RPTOR: variants seen among roughly 807,000 people sequenced by gnomAD.
The protein encoded by RPTOR is regulatory associated protein of MTOR complex 1.
RPTOR carries 21 observed loss-of-function variants against 169.9 expected under a neutral mutation model. The observed-to-expected ratio is 0.12, with a 90% CI of 0.09 to 0.18. RPTOR has a LOEUF of 0.18. Among genes scored for constraint, RPTOR ranks in the 10% least tolerant of loss-of-function variants. The probability of loss-of-function intolerance (pLI) is 1.00; values close to 1 mark genes in which losing one functional copy is unlikely to be tolerated. For synonymous variants in RPTOR, 732 were observed against 753.2 expected, an observed-to-expected ratio of 0.97 and a Z score of 0.46; for missense variants, 1,133 against 1,855.9, an observed-to-expected ratio of 0.61 and a Z score of 7.16.
chr17:80,623,605 G>A (rs1046345557), intron 1 of RPTOR, among the ~76,000 whole-genome samples: 1 of 151,658 alleles, frequency 6.6e-6, no homozygotes, highest in Non-Finnish European at 1.5e-5. Context: ...GTACCGTCTC[G>A]GCTCACTGCA....
intron 7 of RPTOR, among the ~76,000 whole-genome samples, chr17:80,800,630 G>A (rs1045093716): frequency 6.6e-6 from 1 of 152,180 alleles, no homozygotes; most frequent in Admixed American, 6.5e-5. Context: ...ATAAGCTGTT[G>A]CTGCTGCAGT....
At chr17:80,677,688 A>T (rs541232042) in intron 3 of RPTOR, among the ~76,000 whole-genome samples, 7 of 152,212 alleles carry the variant, frequency 4.6e-5, no homozygotes, top group Non-Finnish European at 1.0e-4. Context: ...CTATTCATGC[A>T]TCGAGTCTTG....
chr17:80,649,146 A>G (rs187579580), intron 3 of RPTOR, among the ~76,000 whole-genome samples: 150 of 152,318 alleles, frequency 9.8e-4, no homozygotes, highest in African/African-American at 3.3e-3. Flanking sequence ...TCAGATATGG[A>G]TAATCGGGGA....
At chr17:80,700,421 G>T (rs1385762882) in intron 3 of RPTOR, among the ~76,000 whole-genome samples, 1 of 147,100 alleles carries the variant, frequency 6.8e-6, no homozygotes, top group Non-Finnish European at 1.5e-5. Context: ...GGTGGTGATG[G>T]TGATGGTGGT....
chr17:80,883,832 G>T lies in RPTOR; in HGVS notation c.1702G>T (p.Asp568Tyr). The change falls in exon 16 of 34, where the codon GAC (aspartate) becomes TAC (tyrosine). Residue 568 changes from aspartate (D) to tyrosine (Y), a missense_variant. By Grantham distance (160) the Asp-to-Tyr change is radical. Around this residue, in one of 9 missense-constraint regions of RPTOR, gnomAD observed 289 missense variants for 585.8 expected, o/e 0.49. Transcript: ENST00000306801. ...TGCCATCTGCCTGGAGCAGCTCAAC[G>T]ACCCGCACCCCTTGCTGCGCCAGTG... ...LIAICLEQLN[D>Y]PHPLLRQWVA... 1 of 1,613,686 alleles carries T rather than the reference G, an allele frequency of 6.2e-7. No individual in the cohort carries two copies. Among genetic ancestry groups the T allele is most frequent in the Non-Finnish European group, 8.5e-7 (1 of 1,180,038 alleles).
intron 6 of RPTOR, among the ~76,000 whole-genome samples, chr17:80,780,364 A>G (rs2066929077): frequency 6.6e-6 from 1 of 152,174 alleles, no homozygotes; most frequent in Non-Finnish European, 1.5e-5. Flanking sequence ...AGGGATGTAC[A>G]CGAAGTCTGT....
chr17:80,778,243 CAG>C (rs1207504349), intron 6 of RPTOR, among the ~76,000 whole-genome samples: 2 of 152,168 alleles, frequency 1.3e-5, no homozygotes, highest in Non-Finnish European at 2.9e-5. Context: ...ATGTTAATGA[CAG>C]ATAAAAATTG....
intron 10 of RPTOR, among the ~76,000 whole-genome samples, chr17:80,842,251 G>A (rs374243856): frequency 2.0e-5 from 3 of 152,190 alleles, no homozygotes; most frequent in East Asian, 1.9e-4. Flanking sequence ...TTGAAATGTC[G>A]ATATCTTCTT....
At chr17:80,552,671 A>G (rs2084359894) in intron 1 of RPTOR, among the ~76,000 whole-genome samples, 1 of 152,260 alleles carries the variant, frequency 6.6e-6, no homozygotes, top group African/African-American at 2.4e-5. Flanking sequence ...CAACAGCACC[A>G]TAAATTACCT....
At chr17:80,827,133 AAAG>A (rs1248441062) in intron 9 of RPTOR, among the ~76,000 whole-genome samples, 5 of 152,210 alleles carry the variant, frequency 3.3e-5, no homozygotes, top group African/African-American at 4.8e-5. Flanking sequence ...ATTTGTGCTG[AAAG>A]AAGAAAACCT....
chr17:80,918,267 GC>G (rs2068698002), intron 21 of RPTOR, among the ~76,000 whole-genome samples: 1 of 152,208 alleles, frequency 6.6e-6, no homozygotes, highest in South Asian at 2.1e-4. Context: ...TAGAGCAGAG[GC>G]ACCCCTGGAT....
intron 31 of RPTOR, 116 bp from the exon 32 acceptor site, chr17:80,962,345 G>C: frequency 2.5e-6 from 2 of 815,900 alleles, no homozygotes; most frequent in Non-Finnish European, 4.0e-6. Context: ...CTTTTTCCTT[G>C]AGCAGTGTGT....
intron 1 of RPTOR, among the ~76,000 whole-genome samples, chr17:80,601,056 C>T (rs968338754): frequency 2.0e-5 from 3 of 152,198 alleles, no homozygotes; most frequent in East Asian, 1.9e-4. Flanking sequence ...GTGCTGAGGA[C>T]GACATACCGT....
chr17:80,787,990 G>A (rs962154317), intron 6 of RPTOR, among the ~76,000 whole-genome samples: 1 of 152,138 alleles, frequency 6.6e-6, no homozygotes, highest in Non-Finnish European at 1.5e-5. Flanking sequence ...ATCCCCTTCA[G>A]CGTCTCTTGG....
chr17:80,935,679 C>T (rs1282953061), intron 24 of RPTOR, among the ~76,000 whole-genome samples: 2 of 151,992 alleles, frequency 1.3e-5, no homozygotes, highest in East Asian at 3.8e-4. Flanking sequence ...AAAGAAGAAC[C>T]TCGATCAGTA....
At chr17:80,840,546 C>T (rs1436058520) in intron 10 of RPTOR, among the ~76,000 whole-genome samples, 1 of 143,620 alleles carries the variant, frequency 7.0e-6, no homozygotes, top group African/African-American at 2.7e-5. Flanking sequence ...CACGGCAGCT[C>T]ACTCTCACCG....
At chr17:80,933,921 C>G (rs1280236580) in intron 24 of RPTOR, among the ~76,000 whole-genome samples, 2 of 152,182 alleles carry the variant, frequency 1.3e-5, no homozygotes, top group Admixed American at 1.3e-4. Context: ...TAGTTCCTGT[C>G]TATTAAAGAA....
At chr17:80,886,232 GA>G (rs1459151115) in intron 17 of RPTOR, among the ~76,000 whole-genome samples, 1 of 152,248 alleles carries the variant, frequency 6.6e-6, no homozygotes, top group Non-Finnish European at 1.5e-5. Context: ...GGAGGGACGT[GA>G]CCCGGACAGG....
In RPTOR at chr17:80,666,536, A is replaced by G. The variant is rs543338924; in HGVS notation, c.348+22726A>G. Among the ~76,000 whole-genome samples, 9 of 152,312 alleles carry G rather than the reference A, an allele frequency of 5.9e-5. No individual in the cohort carries two copies. In the South Asian group the frequency reaches 1.9e-3, roughly 32 times the overall value. Reference sequence around the variant, plus strand: ...TGACTGCTTGGTTGGACGCAGCAAAATGTTGATTATTGGCCATATATGCGT... The same window carrying G: ...TGACTGCTTGGTTGGACGCAGCAAAGTGTTGATTATTGGCCATATATGCGT... On this transcript the variant is annotated intron_variant, in intron 3 of 33. Coordinates refer to ENST00000306801, the MANE Select transcript of RPTOR (RefSeq NM_020761.3).
Sources: gnomAD v4.1 joint callset for allele counts (sites outside exome capture counted in the v4.1 genomes callset) on GRCh38, gnomAD v4.1.1 for gene constraint, gnomAD v4.1.1 regional missense constraint, MANE v1.5 for transcripts, NCBI Gene and HGNC (gene_info 2026-07-23, HGNC 2026-07-21) for gene names.